GGH: variants seen among roughly 807,000 people sequenced by gnomAD.
The protein encoded by GGH is gamma-glutamyl hydrolase.
A neutral mutation model predicts 39.2 loss-of-function variants in GGH; 18 were observed. The ratio of observed to expected loss-of-function variants is 0.46; its 90% CI spans 0.32 to 0.68. The LOEUF (loss-of-function observed/expected upper bound fraction) is 0.68, where lower values mean the gene tolerates loss of function less well. Ranked by LOEUF, GGH falls within the 30% of genes least tolerant of loss-of-function variation. The pLI is 0.04. For missense variants in GGH, 367 were observed against 384.1 expected, an observed-to-expected ratio of 0.96 and a Z score of 0.37; for synonymous variants, 147 against 138.8, an observed-to-expected ratio of 1.06 and a Z score of -0.42.
intron 7 of GGH, among the ~76,000 whole-genome samples, chr8:63,018,769 A>G (rs548426289): frequency 2.0e-5 from 3 of 152,360 alleles, no homozygotes; most frequent in African/African-American, 7.2e-5. Flanking sequence ...TATATTGGAT[A>G]TAAATCTTTT....
At position 63,023,569 on chromosome 8, in the gene GGH, C is replaced by T. The variant is rs182638971; in HGVS notation, c.697+338G>A. On this transcript the variant is annotated intron_variant, in intron 7 of 8. Transcript: ENST00000260118. ...ATCAACGTATTTACTATGTTTTTCT[C>T]TATCACCCACATTTATTTTGTTGTT... The T allele has an allele frequency of 1.6e-4, 26 of 165,016 alleles. 1 individual carries two copies. The East Asian group carries it at 4.3e-3, about 28-fold the overall frequency. The allele number at this position is 165,016 out of a possible 1,614,324, so 10.2% of individuals were successfully genotyped here. A position where few individuals can be genotyped will look rare whatever the true frequency, so the allele number is the denominator to read the frequency against.
At position 63,030,217 on chromosome 8, in the gene GGH, C is replaced by A. The variant is rs577355300; in HGVS notation, c.225G>T (p.Arg75Ser). 2 of 1,348,960 alleles carry A rather than the reference C, an allele frequency of 1.5e-6. No homozygotes were observed. The highest frequency in any genetic ancestry group is 1.1e-6 in the Non-Finnish European group (1 of 940,718). The allele number at this position is 1,348,960 out of a possible 1,614,324, so 83.6% of individuals were successfully genotyped here. The change falls in exon 3 of 9, where the codon AGG (arginine) becomes AGT (serine). Residue 75 changes from arginine (R) to serine (S), a missense_variant and splice_region_variant. By Grantham distance (110) the Arg-to-Ser change is moderately radical (BLOSUM62 -1). Transcript: ENST00000260118. ...ESAGARVVPVRLDLTEKDYEI... is the reference protein window; with the variant it reads ...ESAGARVVPVSLDLTEKDYEI... ...CATAGTCTTTCTCTGTAAGATCCAG[C>A]CTGAAAACAATAAAAGTTATTGTTA...
At chr8:63,027,128 C>T (rs1804701353) in intron 4 of GGH, 53 bp downstream of exon 4, 4 of 861,294 alleles carry the variant, frequency 4.6e-6, no homozygotes, top group Non-Finnish European at 6.0e-6. Context: ...GAACCACTCG[C>T]ACAAAAACTT....
intron 5 of GGH, 32 bp from the exon 6 acceptor site, chr8:63,024,218 T>C: frequency 7.5e-7 from 1 of 1,326,518 alleles, no homozygotes; most frequent in South Asian, 1.2e-5. Flanking sequence ...AGAAATAATT[T>C]AAACACAAAA....
chr8:63,026,087 A>G lies in GGH; in HGVS notation c.499+71T>C. Reference sequence around the variant, plus strand: ...AAAGAAAATAAAAATAAGCACTTTTACTTTCATATTTGCTACTTACTAATC... The same window carrying G: ...AAAGAAAATAAAAATAAGCACTTTTGCTTTCATATTTGCTACTTACTAATC... On this transcript the variant is annotated intron_variant, in intron 5 of 8. Coordinates refer to ENST00000260118, the MANE Select transcript of GGH (RefSeq NM_003878.3). The G allele has an allele frequency of 2.5e-6, 3 of 1,219,824 alleles. 1 individual carries two copies. The highest frequency in any genetic ancestry group is 3.4e-6 in the Non-Finnish European group (3 of 875,484). 75.6% of individuals were successfully genotyped at this position (1,219,824 alleles called of 1,614,324 possible).
chr8:63,038,687 C>A lies in GGH; in HGVS notation c.82G>T (p.Gly28Cys). 6.5e-7 allele frequency: 1 copy of A among 1,547,736 alleles called. No individual in the cohort carries two copies. The highest frequency in any genetic ancestry group is 8.8e-7 in the Non-Finnish European group (1 of 1,141,270). ...AASLELSRPHGDTAKKPIIGI... is the reference protein window; with the variant it reads ...AASLELSRPHCDTAKKPIIGI... Reference sequence around the variant, plus strand: ...ATGATGGGCTTCTTGGCGGTGTCGCCGTGGGGTCTAGACAGCTCGAGGCTC... The same window carrying A: ...ATGATGGGCTTCTTGGCGGTGTCGCAGTGGGGTCTAGACAGCTCGAGGCTC... Residue 28 changes from glycine (G) to cysteine (C), a missense_variant, in exon 1 of 9, where the codon GGC becomes TGC. Coordinates refer to ENST00000260118, the MANE Select transcript of GGH (RefSeq NM_003878.3).
chr8:63,017,455 C>A, intron 8 of GGH, 38 bp downstream of exon 8: 1 of 1,492,948 alleles, frequency 6.7e-7, no homozygotes, highest in Non-Finnish European at 9.2e-7. Context: ...TTCTTCAAAA[C>A]TACCCCAGAA....
chr8:63,036,685 C>A (rs573357909), intron 1 of GGH, among the ~76,000 whole-genome samples: 114 of 152,220 alleles, frequency 7.5e-4, no homozygotes, highest in African/African-American at 2.7e-3. Context: ...ACAGAGTAAA[C>A]CACATTCATA....
chr8:63,017,217 C>CA (rs1454917816), intron 8 of GGH: 8,155 of 278,406 alleles, frequency 0.029, 12 homozygotes, highest in Middle Eastern at 0.038. Flanking sequence ...AAAAAGAAAC[C>CA]AAAAAAAAAA....
intron 7 of GGH, among the ~76,000 whole-genome samples, chr8:63,020,766 G>A (rs900596084): frequency 2.0e-5 from 3 of 152,134 alleles, no homozygotes; most frequent in Admixed American, 6.5e-5. Context: ...GGCAGGGAGA[G>A]GGCATGAGGA....
At position 63,038,727 on chromosome 8, in the gene GGH, T is replaced by G. The variant is rs1215407982; in HGVS notation, c.42A>C (p.Leu14=). 6.3e-7 allele frequency: 1 copy of G among 1,583,078 alleles called. No individual in the cohort carries two copies. Among genetic ancestry groups the G allele is most frequent in the South Asian group, 1.1e-5 (1 of 87,138 alleles). ...GCTCGAGGCTCGCCGCCCCGCAGAG[T>G]AGCAGGCCCAGCACGCACAGCAGGC... ...PGCLLCVLGL[L]LCGAASLELS... The change falls in exon 1 of 9, where the codon CTA becomes CTC. Residue 14 remains leucine, a synonymous_variant. Transcript: ENST00000260118.
intron 4 of GGH, 63 bp from the exon 5 acceptor site, chr8:63,026,359 T>C (rs1387351419): frequency 2.2e-6 from 3 of 1,362,710 alleles, no homozygotes; most frequent in Non-Finnish European, 3.1e-6. Context: ...AAATTAGCCA[T>C]ATCTTTTGTC....
intron 3 of GGH, chr8:63,028,005 A>T (rs1371610623): frequency 6.6e-6 from 1 of 152,200 alleles, no homozygotes; most frequent in Non-Finnish European, 1.5e-5. Context: ...TATTCAAAAG[A>T]GGTAAGAAAA....
intron 7 of GGH, among the ~76,000 whole-genome samples, chr8:63,019,171 G>T (rs1024958548): frequency 9.2e-5 from 14 of 152,192 alleles, no homozygotes; most frequent in African/African-American, 3.4e-4. Flanking sequence ...GTTTCAAGAA[G>T]GAATGAAACA....
chr8:63,032,157 C>A (rs576993157), intron 2 of GGH, among the ~76,000 whole-genome samples: 1 of 152,116 alleles, frequency 6.6e-6, no homozygotes, highest in Non-Finnish European at 1.5e-5. Context: ...CCTCAGCCTC[C>A]TGAGTAGCTG....
chr8:63,031,756 G>A (rs1351565183), intron 2 of GGH, among the ~76,000 whole-genome samples: 2 of 152,120 alleles, frequency 1.3e-5, no homozygotes, highest in African/African-American at 4.8e-5. Context: ...GGTGCCTAGG[G>A]GCCCTGGCAG....
Position 63,035,673 on chromosome 8 carries a change from C to G in GGH, c.207G>C (p.Ala69=). The part of the protein sequence containing the change: ...SYVKYLESAG[A]RVVPVRLDLT... ...AATCATACCTTACTGGTACAACTCT[C>G]GCACCTGCAGACTCCAAGTACTTTA... The change falls in exon 2 of 9, where the codon GCG becomes GCC. Residue 69 remains alanine, a synonymous_variant. Coordinates refer to ENST00000260118, the MANE Select transcript of GGH (RefSeq NM_003878.3). 4.4e-6 allele frequency: 7 copies of G among 1,607,368 alleles called. No homozygotes were observed. The highest frequency in any genetic ancestry group is 5.9e-6 in the Non-Finnish European group (7 of 1,178,198).
In GGH at chr8:63,015,377, A is replaced by G. The variant is rs562252771; in HGVS notation, c.912T>C (p.Tyr304=). Residue 304 remains tyrosine (Y), a synonymous_variant, in exon 9 of 9, where the codon TAT becomes TAC. Transcript: ENST00000260118. ...GCTGAAATGAAGAAATATTTCCAGT[A>G]TAAATTGGACTGAACTGATAAATCA... ...KALIYQFSPI[Y]TGNISSFQQC... 1.1e-5 allele frequency: 15 copies of G among 1,408,420 alleles called. No individual in the cohort carries two copies. The highest frequency in any genetic ancestry group is 1.5e-5 in the Non-Finnish European group (15 of 1,006,030). The allele number at this position is 1,408,420 out of a possible 1,614,324, so 87.2% of individuals were successfully genotyped here.
intron 8 of GGH, among the ~76,000 whole-genome samples, chr8:63,015,848 G>C (rs1388244281): frequency 1.5e-5 from 2 of 137,712 alleles, no homozygotes; most frequent in Non-Finnish European, 3.2e-5. Flanking sequence ...CACAAGACTT[G>C]ATAACACAGC....
Sources: gnomAD v4.1 joint callset for allele counts (sites outside exome capture counted in the v4.1 genomes callset) on GRCh38, gnomAD v4.1.1 for gene constraint, MANE v1.5 for transcripts, NCBI Gene and HGNC (gene_info 2026-07-23, HGNC 2026-07-21) for gene names.